SYNE1: variants seen among roughly 807,000 people sequenced by gnomAD.
SYNE1 encodes the protein nesprin-1.
A neutral mutation model predicts 1,111.0 loss-of-function variants in SYNE1; 616 were observed. That is an observed-to-expected ratio of 0.55 (90% confidence interval 0.52 to 0.59). The LOEUF is 0.59. SYNE1 is among the 20% of genes least tolerant of loss of function. The probability of loss-of-function intolerance (pLI) is 0.00; values close to 1 mark genes in which losing one functional copy is unlikely to be tolerated. For missense variants in SYNE1, 10,006 were observed against 10,417.0 expected (o/e 0.96, Z 1.72); for synonymous variants, 3,855 against 3,825.8 (o/e 1.01, Z -0.28).
At chr6:152,135,816 C>T (rs889420688) in intron 141 of SYNE1, among the ~76,000 whole-genome samples, 5 of 152,254 alleles carry the variant, frequency 3.3e-5, no homozygotes, top group African/African-American at 9.6e-5. Flanking sequence ...CTTTCCATGG[C>T]GCTCAGAATA....
At chr6:152,456,114 C>A (rs2098694050) in intron 22 of SYNE1, 70 bp from the exon 23 acceptor site, 20 of 1,519,188 alleles carry the variant, frequency 1.3e-5, no homozygotes, top group South Asian at 8.2e-5. Flanking sequence ...AAGAGAGTGA[C>A]CATTACAGAT....
In SYNE1 at chr6:152,461,594, C is replaced by T. The variant is rs368012666; in HGVS notation, c.2394+3G>A. 8.1e-6 allele frequency: 13 copies of T among 1,613,874 alleles called. No homozygotes were observed. In the African/African-American group the frequency reaches 1.5e-4, roughly 18 times the overall value. On this transcript the variant is annotated splice_donor_region_variant and intron_variant, in intron 21 of 145. Transcript: ENST00000367255. ...CCTATTGTGCATTAAATTATTTTCGCACCTTGGTTAGCTGCTCTTTGAGCT... is the reference window on the plus strand; with the variant it reads ...CCTATTGTGCATTAAATTATTTTCGTACCTTGGTTAGCTGCTCTTTGAGCT...
chr6:152,420,085 A>G (rs2098231312), intron 39 of SYNE1, among the ~76,000 whole-genome samples: 1 of 152,206 alleles, frequency 6.6e-6, no homozygotes, highest in Non-Finnish European at 1.5e-5. Flanking sequence ...ATTATGTTCA[A>G]TTGTTGTGTG....
intron 96 of SYNE1, among the ~76,000 whole-genome samples, chr6:152,283,421 T>A (rs1418552742): frequency 1.3e-5 from 2 of 152,244 alleles, no homozygotes; most frequent in Non-Finnish European, 2.9e-5. Flanking sequence ...AGAATTTGCT[T>A]TCCACATTCT....
chr6:152,189,208 A>G, intron 128 of SYNE1, 44 bp downstream of exon 128: 4 of 1,608,008 alleles, frequency 2.5e-6, no homozygotes, highest in Non-Finnish European at 3.4e-6. Flanking sequence ...TCATCTCCCA[A>G]TTTTCCATCA....
At chr6:152,357,482 T>G (rs780583777) in intron 66 of SYNE1, among the ~76,000 whole-genome samples, 1 of 152,184 alleles carries the variant, frequency 6.6e-6, no homozygotes, top group Non-Finnish European at 1.5e-5. Flanking sequence ...TGGTGGGACA[T>G]AAAGTGGTCT....
Position 152,359,432 on chromosome 6 carries a change from G to A in SYNE1, c.10326C>T (p.Tyr3442=). Residue 3442 remains tyrosine (Y), a synonymous_variant, in exon 65 of 146, where the codon TAC becomes TAT. Coordinates refer to ENST00000367255, the MANE Select transcript of SYNE1 (RefSeq NM_182961.4). ...CTTCGATGGTCTCCAGCAAGCTGCT[G>A]TAACTCAGCACTTCTTCATTTAATA... ...AKLLNEEVLS[Y]SSLLETIEVK... 3 of 1,614,178 alleles carry A rather than the reference G, an allele frequency of 1.9e-6. No individual in the cohort carries two copies. Among genetic ancestry groups the A allele is most frequent in the African/African-American group, 2.7e-5 (2 of 75,050 alleles).
intron 3 of SYNE1, among the ~76,000 whole-genome samples, chr6:152,622,112 A>G (rs1438507885): frequency 6.6e-6 from 1 of 152,178 alleles, no homozygotes; most frequent in Non-Finnish European, 1.5e-5. Flanking sequence ...GTTTTGTATC[A>G]TACTTAAATT....
At chr6:152,604,311 A>C (rs1363119856) in intron 3 of SYNE1, among the ~76,000 whole-genome samples, 3 of 151,514 alleles carry the variant, frequency 2.0e-5, no homozygotes, top group East Asian at 1.9e-4. Context: ...TTATTTATTT[A>C]TTTCTTTTTG....
At chr6:152,281,776 T>C in intron 97 of SYNE1, 31 bp downstream of exon 97, 1 of 1,613,692 alleles carries the variant, frequency 6.2e-7, no homozygotes, top group Non-Finnish European at 8.5e-7. Flanking sequence ...CTTCATGATG[T>C]TGACATATTC....
At chr6:152,350,860 T>A in intron 70 of SYNE1, 90 bp from the exon 71 acceptor site, 1 of 1,450,170 alleles carries the variant, frequency 6.9e-7, no homozygotes, top group Non-Finnish European at 9.6e-7. Context: ...AGAGATGATC[T>A]ACCTCAAAGA....
intron 93 of SYNE1, among the ~76,000 whole-genome samples, chr6:152,294,750 A>T (rs1392688185): frequency 6.6e-6 from 1 of 152,200 alleles, no homozygotes; most frequent in Non-Finnish European, 1.5e-5. Context: ...GAATGATGAA[A>T]TATCATGCTT....
chr6:152,501,841 G>A (rs143304769), intron 10 of SYNE1, among the ~76,000 whole-genome samples: 351 of 152,046 alleles, frequency 2.3e-3, no homozygotes, highest in Non-Finnish European at 3.7e-3. Context: ...ACAAGATTGA[G>A]TAATAAATTA....
At chr6:152,168,344 A>C in intron 130 of SYNE1, 2 of 595,754 alleles carry the variant, frequency 3.4e-6, no homozygotes, top group Admixed American at 3.0e-5. Flanking sequence ...GCCCGATAAC[A>C]TGACACTGGG....
rs900781546 is a variant in SYNE1, at chr6:152,326,281, A to G, written c.15293+15T>C. 2 of 1,613,994 alleles carry G rather than the reference A, an allele frequency of 1.2e-6. No individual in the cohort carries two copies. Among genetic ancestry groups the G allele is most frequent in the African/African-American group, 2.7e-5 (2 of 74,942 alleles). On this transcript the variant is annotated intron_variant, in intron 79 of 145. Transcript: ENST00000367255. Reference sequence around the variant, plus strand: ...CATTTCACTAAAACATAAAACACAAAACATCCTGAAATACCTCTGCAAGAG... The same window carrying G: ...CATTTCACTAAAACATAAAACACAAGACATCCTGAAATACCTCTGCAAGAG...
At chr6:152,178,294 G>C (rs1180933280) in intron 129 of SYNE1, among the ~76,000 whole-genome samples, 1 of 151,980 alleles carries the variant, frequency 6.6e-6, no homozygotes, top group East Asian at 1.9e-4. Context: ...TTATTCTATA[G>C]CAAATTTTAC....
intron 3 of SYNE1, 122 bp downstream of exon 3, chr6:152,628,143 G>T: frequency 1.0e-6 from 1 of 997,918 alleles, no homozygotes; most frequent in Non-Finnish European, 1.6e-6. Context: ...CTGGAATAAA[G>T]ACATCCATCC....
At chr6:152,551,698 T>C (rs892312853) in intron 3 of SYNE1, among the ~76,000 whole-genome samples, 2 of 152,234 alleles carry the variant, frequency 1.3e-5, no homozygotes, top group Admixed American at 6.5e-5. Flanking sequence ...ACCCTCCTAC[T>C]GTTTGCTACA....
intron 5 of SYNE1, among the ~76,000 whole-genome samples, chr6:152,521,288 T>C (rs1031506345): frequency 6.6e-6 from 1 of 152,164 alleles, no homozygotes; most frequent in African/African-American, 2.4e-5. Flanking sequence ...TATTTCCAGG[T>C]TATTGATATT....
Sources: gnomAD v4.1 joint callset for allele counts (sites outside exome capture counted in the v4.1 genomes callset) on GRCh38, gnomAD v4.1.1 for gene constraint, MANE v1.5 for transcripts, NCBI Gene and HGNC (gene_info 2026-07-23, HGNC 2026-07-21) for gene names.